Variants in PDE10A observed in about 807,000 individuals in gnomAD.
PDE10A encodes phosphodiesterase 10A, also known as cAMP and cAMP-inhibited cGMP 3',5'-cyclic phosphodiesterase 10A.
Under a neutral mutation model 97.7 loss-of-function variants are expected in PDE10A, and 39 were observed. That is an observed-to-expected ratio of 0.40 (90% confidence interval 0.31 to 0.52). The LOEUF (loss-of-function observed/expected upper bound fraction) is 0.52. Ranked by LOEUF, PDE10A falls within the 20% of genes least tolerant of loss-of-function variation. PDE10A has a pLI of 0.56. For missense variants in PDE10A, 731 were observed against 1,047.8 expected, an observed-to-expected ratio of 0.70 and a Z score of 4.17; for synonymous variants, 371 against 376.8, an observed-to-expected ratio of 0.98 and a Z score of 0.18.
At position 165,750,200 on chromosome 6, in the gene PDE10A, G is replaced by A. The variant is rs777239545; in HGVS notation, c.-614-206632C>T. Among the ~76,000 whole-genome samples, 29 of 152,194 alleles carry A rather than the reference G, an allele frequency of 1.9e-4. 1 individual carries two copies. The highest frequency in any genetic ancestry group is 3.5e-4 in the Non-Finnish European group (24 of 68,034). ...AAATGCAGACAGAGAAAGGAGTGAA[G>A]GGTGGGAGTCCTAGTTCACCCAGAG... On this transcript the variant is annotated intron_variant, in intron 1 of 19. Coordinates refer to the PDE10A transcript ENST00000366882.
intron 3 of PDE10A, among the ~76,000 whole-genome samples, chr6:165,457,789 T>C (rs1778047675): frequency 6.7e-6 from 1 of 149,930 alleles, no homozygotes; most frequent in Admixed American, 6.7e-5. Flanking sequence ...AATTGTTGGT[T>C]CAGAAAGAAA....
rs1229306316 is a variant in PDE10A at position 165,833,832 on chromosome 6, G to A, written c.-615+153697C>T. Among the ~76,000 whole-genome samples, 27 of 152,248 alleles carry A rather than the reference G, an allele frequency of 1.8e-4. 1 individual carries two copies. Among genetic ancestry groups the A allele is most frequent in the Admixed American group, 1.8e-3 (27 of 15,288 alleles). On this transcript the variant is annotated intron_variant, in intron 1 of 19. Transcript: ENST00000366882. ...AGGAAAGGTGCAGGCATGAGATGAA[G>A]GTGGTCCCAAAGCAGGAGCTGAAGT...
chr6:165,694,336 G>A (rs1325161562), intron 1 of PDE10A, among the ~76,000 whole-genome samples: 1 of 152,198 alleles, frequency 6.6e-6, no homozygotes, highest in African/African-American at 2.4e-5. Flanking sequence ...ATGAGAGAGG[G>A]CAGCCTGCCT....
At chr6:165,688,385 C>A (rs947650293) in intron 1 of PDE10A, among the ~76,000 whole-genome samples, 1 of 152,088 alleles carries the variant, frequency 6.6e-6, no homozygotes, top group African/African-American at 2.4e-5. Context: ...TCATCTCCAC[C>A]CCTTCTAATA....
chr6:165,618,381 C>T (rs1181571283), intron 1 of PDE10A, among the ~76,000 whole-genome samples: 1 of 152,120 alleles, frequency 6.6e-6, no homozygotes, highest in African/African-American at 2.4e-5. Context: ...TATCATACCC[C>T]AAACCGGCAC....
At chr6:165,485,921 C>G (rs1459993846) in intron 2 of PDE10A, among the ~76,000 whole-genome samples, 2 of 152,182 alleles carry the variant, frequency 1.3e-5, no homozygotes, top group African/African-American at 4.8e-5. Flanking sequence ...TGGCTAACTG[C>G]GTTGCTGAAG....
At chr6:165,824,349 T>C (rs981104439) in intron 1 of PDE10A, among the ~76,000 whole-genome samples, 18 of 152,190 alleles carry the variant, frequency 1.2e-4, no homozygotes, top group Non-Finnish European at 1.9e-4. Flanking sequence ...AAATATCAGA[T>C]AGCATGTCGA....
intron 1 of PDE10A, among the ~76,000 whole-genome samples, chr6:165,704,212 C>A (rs1791650295): frequency 6.6e-6 from 1 of 152,178 alleles, no homozygotes; most frequent in South Asian, 2.1e-4. Context: ...TACCCACAGC[C>A]AGATGATCAG....
At chr6:165,791,889 A>G (rs1778664486) in intron 1 of PDE10A, among the ~76,000 whole-genome samples, 1 of 152,248 alleles carries the variant, frequency 6.6e-6, no homozygotes, top group Non-Finnish European at 1.5e-5. Context: ...TGAAACCCAC[A>G]TAATCCTGAC....
intron 1 of PDE10A, among the ~76,000 whole-genome samples, chr6:165,887,160 G>A (rs1490396170): frequency 2.0e-5 from 3 of 152,190 alleles, no homozygotes; most frequent in Non-Finnish European, 2.9e-5. Flanking sequence ...ACTGAAAGAT[G>A]AGCATGAACC....
chr6:165,387,147 C>T (rs1192821405), intron 17 of PDE10A, among the ~76,000 whole-genome samples: 1 of 152,174 alleles, frequency 6.6e-6, no homozygotes, highest in Non-Finnish European at 1.5e-5. Flanking sequence ...GCTTTCACGA[C>T]CAAACTGAAC....
At chr6:165,542,598 A>G (rs2128322801) in intron 2 of PDE10A, among the ~76,000 whole-genome samples, 1 of 147,946 alleles carries the variant, frequency 6.8e-6, no homozygotes, top group South Asian at 2.3e-4. Flanking sequence ...TTAGGTCAAA[A>G]AGATGTCCTT....
chr6:165,472,219 G>A (rs2128272886), intron 3 of PDE10A, among the ~76,000 whole-genome samples: 1 of 152,036 alleles, frequency 6.6e-6, no homozygotes, highest in South Asian at 2.1e-4. Flanking sequence ...TTGATAATTT[G>A]TAATTTCCTC....
chr6:165,594,068 A>G (rs1583608849), intron 1 of PDE10A, among the ~76,000 whole-genome samples: 2 of 152,244 alleles, frequency 1.3e-5, no homozygotes, highest in Admixed American at 1.3e-4. Context: ...AGATAGCATT[A>G]TAACTCATCA....
At chr6:165,375,199 G>T (rs986897134) in intron 18 of PDE10A, among the ~76,000 whole-genome samples, 1 of 152,142 alleles carries the variant, frequency 6.6e-6, no homozygotes, top group African/African-American at 2.4e-5. Flanking sequence ...AGCTAGAAGT[G>T]ACTAAACTTA....
intron 5 of PDE10A, among the ~76,000 whole-genome samples, chr6:165,446,518 C>A (rs1790859146): frequency 6.6e-6 from 1 of 152,002 alleles, no homozygotes; most frequent in Non-Finnish European, 1.5e-5. Flanking sequence ...ATAGAGTGAG[C>A]AAAACACAGT....
chr6:165,598,940 T>C (rs1319410007), intron 1 of PDE10A, among the ~76,000 whole-genome samples: 1 of 152,170 alleles, frequency 6.6e-6, no homozygotes, highest in Non-Finnish European at 1.5e-5. Context: ...CTCTATGGAA[T>C]GCTCTCTTTT....
At chr6:165,514,993 C>T (rs750080517) in intron 2 of PDE10A, among the ~76,000 whole-genome samples, 23 of 152,154 alleles carry the variant, frequency 1.5e-4, no homozygotes, top group Non-Finnish European at 3.2e-4. Flanking sequence ...TTTATCCAAA[C>T]TATTCATTTT....
At chr6:165,809,721 G>A (rs967299985) in intron 1 of PDE10A, among the ~76,000 whole-genome samples, 1 of 152,154 alleles carries the variant, frequency 6.6e-6, no homozygotes, top group Non-Finnish European at 1.5e-5. Flanking sequence ...AACATTTGTA[G>A]GAAAAGAAAG....
Sources: allele counts gnomAD v4.1 joint callset (sites outside exome capture counted in the v4.1 genomes callset), GRCh38; gene constraint gnomAD v4.1.1; transcripts MANE v1.5; gene names NCBI Gene and HGNC (gene_info 2026-07-23, HGNC 2026-07-21).